The following ACCSL variants were observed in gnomAD, a reference collection of about 807,000 sequenced individuals.
ACCSL encodes probable inactive 1-aminocyclopropane-1-carboxylate synthase-like protein 2.
A neutral mutation model predicts 61.7 loss-of-function variants in ACCSL; 55 were observed. The ratio of observed to expected loss-of-function variants is 0.89; its 90% CI spans 0.72 to 1.12. The LOEUF (loss-of-function observed/expected upper bound fraction) is 1.12. Ranked by LOEUF, ACCSL falls within the 50% of genes most tolerant of loss-of-function variation. The probability of loss-of-function intolerance (pLI) is 0.00; values close to 1 mark genes in which losing one functional copy is unlikely to be tolerated. For synonymous variants in ACCSL, 258 were observed against 264.3 expected (o/e 0.98, Z 0.23); for missense variants, 632 against 698.0 (o/e 0.91, Z 1.07).
At chr11:43,970,079 A>T in the ACCSL span, among the ~76,000 whole-genome samples, 1 of 151,960 alleles carries the variant, frequency 6.6e-6, no homozygotes, top group Admixed American at 6.6e-5. Flanking sequence ...AACTTGGGAG[A>T]CCGATGCAGA....
At chr11:44,030,039 TGCTTGTTTCTTTGGTTG>T in the ACCSL span, among the ~76,000 whole-genome samples, 25 of 130,108 alleles carry the variant, frequency 1.9e-4, no homozygotes, top group South Asian at 4.8e-4. Flanking sequence ...ATTTTATGTT[TGCTTGTTTCTTTGGTTG>T]ATTTTTTTTT....
chr11:43,981,088 G>A, the ACCSL span, among the ~76,000 whole-genome samples: 8 of 136,792 alleles, frequency 5.8e-5, no homozygotes, highest in South Asian at 2.5e-4. Context: ...GAAACAAGAT[G>A]GGGCAGGAAA....
chr11:43,963,221 A>G, the ACCSL span, among the ~76,000 whole-genome samples: 3 of 152,182 alleles, frequency 2.0e-5, no homozygotes. Flanking sequence ...ACGCCTAGCT[A>G]TGTCGTGGCT....
At chr11:43,964,401 T>A in the ACCSL span, among the ~76,000 whole-genome samples, 3 of 148,970 alleles carry the variant, frequency 2.0e-5, no homozygotes, top group Admixed American at 1.4e-4. Flanking sequence ...CACGCCACTG[T>A]GCTCCAGCCT....
the ACCSL span, among the ~76,000 whole-genome samples, chr11:43,925,909 T>A: frequency 3.9e-5 from 6 of 152,138 alleles, no homozygotes; most frequent in Admixed American, 2.6e-4. Context: ...CTTAGTAATA[T>A]GATTTTTTAA....
the ACCSL span, among the ~76,000 whole-genome samples, chr11:43,990,996 G>A: frequency 1.3e-5 from 2 of 151,686 alleles, no homozygotes; most frequent in Non-Finnish European, 2.9e-5. Context: ...ACTTGAACCC[G>A]GGTAGCAGAG....
At chr11:43,996,658 G>A in the ACCSL span, among the ~76,000 whole-genome samples, 1 of 152,064 alleles carries the variant, frequency 6.6e-6, no homozygotes, top group African/African-American at 2.4e-5. Context: ...GGGGCTGCAG[G>A]TTCTCTCTCC....
At chr11:44,045,816 G>T (rs142946236), upstream of ACCSL, among the ~76,000 whole-genome samples, 19 of 152,328 alleles carry the variant, frequency 1.2e-4, no homozygotes, top group Non-Finnish European at 2.6e-4. Flanking sequence ...ATGTTACAGA[G>T]CTGTCCAAAG....
At chr11:43,937,806 TA>T in the ACCSL span, among the ~76,000 whole-genome samples, 1 of 152,166 alleles carries the variant, frequency 6.6e-6, no homozygotes, top group Non-Finnish European at 1.5e-5. Context: ...TAGAGTAGTT[TA>T]AAAAGATTCA....
the ACCSL span, among the ~76,000 whole-genome samples, chr11:43,928,775 C>A: frequency 6.6e-6 from 1 of 152,248 alleles, no homozygotes; most frequent in African/African-American, 2.4e-5. Context: ...GCTTATAAGT[C>A]ATTCCTCCGC....
At chr11:43,941,433 C>T in the ACCSL span, among the ~76,000 whole-genome samples, 6 of 152,330 alleles carry the variant, frequency 3.9e-5, no homozygotes, top group East Asian at 5.8e-4. Context: ...ACGGAAAGGA[C>T]GGAGGCCAAA....
At chr11:43,993,549 T>C in the ACCSL span, among the ~76,000 whole-genome samples, 1 of 152,178 alleles carries the variant, frequency 6.6e-6, no homozygotes, top group Non-Finnish European at 1.5e-5. Flanking sequence ...CAAAGTGCTC[T>C]TAGCTGCAGT....
rs1237525987 is a variant in ACCSL at position 44,050,556 on chromosome 11, A to C, written c.569A>C (p.Gln190Pro). The C allele has an allele frequency of 6.2e-7, 1 of 1,613,958 alleles. No individual in the cohort carries two copies. Among genetic ancestry groups the C allele is most frequent in the Non-Finnish European group, 8.5e-7 (1 of 1,179,962 alleles). ...LCMDLMTERL[Q>P]ESDMNCIEDT... is the part of the protein sequence containing the mutation. ...TCATGTTCTATTTGTCAACAGTTGC[A>C]AGAAAGTGACATGAACTGCATTGAG... Residue 190 changes from glutamine to proline, a missense_variant, in exon 3 of 14, where the codon CAA (glutamine) becomes CCA (proline). Coordinates refer to ENST00000378832, the MANE Select transcript of ACCSL (RefSeq NM_001031854.2).
chr11:43,933,649 A>G, the ACCSL span, among the ~76,000 whole-genome samples: 2 of 152,322 alleles, frequency 1.3e-5, no homozygotes, highest in South Asian at 4.1e-4. Context: ...GGGCTGAGCC[A>G]CAGACCCTGG....
the ACCSL span, among the ~76,000 whole-genome samples, chr11:43,930,077 C>T: frequency 6.6e-6 from 1 of 152,272 alleles, no homozygotes; most frequent in South Asian, 2.1e-4. Context: ...AAGGCACTCC[C>T]GAGAGTGTCT....
the ACCSL span, among the ~76,000 whole-genome samples, chr11:43,945,861 CAACA>C: frequency 2.6e-4 from 39 of 151,986 alleles, no homozygotes; most frequent in East Asian, 4.9e-3. Context: ...AAAACAGAAA[CAACA>C]AACAAACAAA....
the ACCSL span, among the ~76,000 whole-genome samples, chr11:43,934,847 A>G: frequency 6.6e-6 from 1 of 152,222 alleles, no homozygotes; most frequent in South Asian, 2.1e-4. Flanking sequence ...CCAGGTTACC[A>G]TAGGCTGCCT....
At chr11:44,049,954 T>C in intron 1 of ACCSL, 108 bp from the exon 2 acceptor site, 1 of 1,457,578 alleles carries the variant, frequency 6.9e-7, no homozygotes, top group Non-Finnish European at 9.6e-7. Flanking sequence ...AAATTTGGAT[T>C]GAATTGCCTC....
rs781160498 is a variant in ACCSL at position 44,058,709 on chromosome 11, G to A, written c.1624+10G>A. Reference sequence around the variant, plus strand: ...CCCCGGCTAAAATTGGGTGAGTGGAGCTGACCTCCCAATCCTTTAAAGACG... The same window carrying A: ...CCCCGGCTAAAATTGGGTGAGTGGAACTGACCTCCCAATCCTTTAAAGACG... On this transcript the variant is annotated intron_variant, in intron 13 of 13. Transcript: ENST00000378832. The A allele has an allele frequency of 6.9e-6, 11 of 1,605,220 alleles. No individual in the cohort carries two copies. Among genetic ancestry groups the A allele is most frequent in the Admixed American group, 5.0e-5 (3 of 59,418 alleles).
Sources: gnomAD v4.1 joint callset for allele counts (sites outside exome capture counted in the v4.1 genomes callset) on GRCh38, gnomAD v4.1.1 for gene constraint, MANE v1.5 for transcripts, NCBI Gene and HGNC (gene_info 2026-07-23, HGNC 2026-07-21) for gene names.